Variants in GABRB1 observed in about 807,000 individuals in gnomAD.
The protein encoded by GABRB1 is gamma-aminobutyric acid receptor subunit beta-1.
GABRB1 carries 17 observed loss-of-function variants against 51.6 expected under a neutral mutation model. The ratio of observed to expected loss-of-function variants is 0.33; its 90% CI spans 0.23 to 0.49. GABRB1 has a LOEUF of 0.49. Among genes scored for constraint, GABRB1 ranks in the 20% least tolerant of loss-of-function variants. GABRB1 has a pLI of 0.99. For synonymous variants in GABRB1, 247 were observed against 218.9 expected, an observed-to-expected ratio of 1.13 and a Z score of -1.14; for missense variants, 410 against 600.6, an observed-to-expected ratio of 0.68 and a Z score of 3.32.
rs1723944177 is a variant in GABRB1, at chr4:47,295,503, T to TATC, written c.462-24622_462-24620dup. Among the ~76,000 whole-genome samples the TATC allele has an allele frequency of 5.3e-5, 8 of 152,146 alleles. No homozygotes were observed. The South Asian group carries it at 1.7e-3, about 32-fold the overall frequency. ...CGATGTGATCAACTGGAAGAAAGGG[T>TATC]ATCAGTGATGGAAGATGAAATGAAT... On this transcript the variant is annotated intron_variant, in intron 4 of 8. Coordinates refer to ENST00000295454, the MANE Select transcript of GABRB1 (RefSeq NM_000812.4).
chr4:47,129,241 A>G (rs947172974), intron 3 of GABRB1, among the ~76,000 whole-genome samples: 3 of 152,174 alleles, frequency 2.0e-5, no homozygotes, highest in Non-Finnish European at 4.4e-5. Flanking sequence ...AATTAAATGT[A>G]TGTTCAAAAC....
At chr4:47,233,859 T>C (rs2109838917) in intron 4 of GABRB1, among the ~76,000 whole-genome samples, 1 of 152,308 alleles carries the variant, frequency 6.6e-6, no homozygotes, top group East Asian at 1.9e-4. Context: ...ATATAGACTT[T>C]AGATAAAAGT....
chr4:47,376,665 A>G (rs569055605), intron 5 of GABRB1, among the ~76,000 whole-genome samples: 5 of 152,278 alleles, frequency 3.3e-5, no homozygotes, highest in Admixed American at 1.3e-4. Context: ...AAAACAAAAA[A>G]GAAGCCATAG....
At chr4:47,358,357 G>A (rs1726664479) in intron 5 of GABRB1, among the ~76,000 whole-genome samples, 1 of 148,164 alleles carries the variant, frequency 6.7e-6, no homozygotes, top group African/African-American at 2.6e-5. Context: ...TTATATATGT[G>A]TGTGTGTATA....
intron 5 of GABRB1, among the ~76,000 whole-genome samples, chr4:47,363,004 G>A (rs1469468615): frequency 1.4e-5 from 2 of 148,000 alleles, no homozygotes; most frequent in Non-Finnish European, 3.0e-5. Flanking sequence ...TGATAAATGA[G>A]AATGAGTGTC....
At chr4:47,376,416 A>G (rs933740682) in intron 5 of GABRB1, among the ~76,000 whole-genome samples, 5 of 152,164 alleles carry the variant, frequency 3.3e-5, no homozygotes, top group South Asian at 4.1e-4. Context: ...GGAGGTCGAG[A>G]CGGGCGGATC....
chr4:47,159,137 G>A (rs1251071127), intron 3 of GABRB1, among the ~76,000 whole-genome samples: 2 of 146,576 alleles, frequency 1.4e-5, no homozygotes, highest in African/African-American at 2.5e-5. Flanking sequence ...AAAAAAAATA[G>A]CCAGGTGTGA....
intron 4 of GABRB1, among the ~76,000 whole-genome samples, chr4:47,170,008 T>TA (rs35138370): frequency 1.3e-5 from 2 of 152,168 alleles, no homozygotes; most frequent in African/African-American, 4.8e-5. Context: ...TGTGAGCTTT[T>TA]AAAAAAATGT....
At chr4:47,202,012 C>T (rs931129674) in intron 4 of GABRB1, among the ~76,000 whole-genome samples, 3 of 152,166 alleles carry the variant, frequency 2.0e-5, no homozygotes, top group Admixed American at 2.0e-4. Context: ...CTAGTCTCTC[C>T]ATCCTCATCA....
intron 4 of GABRB1, among the ~76,000 whole-genome samples, chr4:47,198,374 G>A (rs1719774499): frequency 6.6e-6 from 1 of 152,162 alleles, no homozygotes; most frequent in East Asian, 1.9e-4. Context: ...ATGAATAAAG[G>A]GTAGAATAAT....
chr4:47,247,234 T>C (rs1721799303), intron 4 of GABRB1, among the ~76,000 whole-genome samples: 1 of 152,146 alleles, frequency 6.6e-6, no homozygotes, highest in South Asian at 2.1e-4. Context: ...TTCTCCTACA[T>C]GTGACTAGCC....
intron 3 of GABRB1, among the ~76,000 whole-genome samples, chr4:47,036,937 T>G (rs1725600811): frequency 6.6e-6 from 1 of 152,100 alleles, no homozygotes; most frequent in South Asian, 2.1e-4. Flanking sequence ...CATTAAAATT[T>G]CTTTAGGAAT....
intron 4 of GABRB1, among the ~76,000 whole-genome samples, chr4:47,278,018 G>A (rs1723149935): frequency 6.6e-6 from 1 of 152,058 alleles, no homozygotes; most frequent in South Asian, 2.1e-4. Flanking sequence ...TCATAGCCCT[G>A]CCCTGAAGCC....
chr4:47,369,880 G>A (rs1405628952), intron 5 of GABRB1, among the ~76,000 whole-genome samples: 1 of 152,078 alleles, frequency 6.6e-6, no homozygotes, highest in Non-Finnish European at 1.5e-5. Flanking sequence ...AATAGTTACT[G>A]ACAATGAACA....
intron 1 of GABRB1, among the ~76,000 whole-genome samples, chr4:46,998,595 G>C (rs577763322): frequency 7.9e-5 from 12 of 151,824 alleles, no homozygotes; most frequent in Non-Finnish European, 1.5e-4. Context: ...TTAGCCAGGC[G>C]TGGTGGCAGG....
chr4:47,307,595 A>C (rs1412024897), intron 4 of GABRB1, among the ~76,000 whole-genome samples: 1 of 152,070 alleles, frequency 6.6e-6, no homozygotes, highest in African/African-American at 2.4e-5. Flanking sequence ...ATAAACCATA[A>C]AAATATATGT....
At chr4:47,316,755 G>A (rs1724908824) in intron 4 of GABRB1, among the ~76,000 whole-genome samples, 1 of 151,886 alleles carries the variant, frequency 6.6e-6, no homozygotes, top group Non-Finnish European at 1.5e-5. Context: ...TGGGGCTGTT[G>A]TTGTTCCTGT....
intron 8 of GABRB1, among the ~76,000 whole-genome samples, chr4:47,424,661 G>C (rs527707772): frequency 6.6e-6 from 1 of 152,292 alleles, no homozygotes; most frequent in African/African-American, 2.4e-5. Context: ...TAATACACAT[G>C]TTAGCACAGC....
At chr4:47,370,429 G>T (rs1205875322) in intron 5 of GABRB1, among the ~76,000 whole-genome samples, 1 of 150,750 alleles carries the variant, frequency 6.6e-6, no homozygotes, top group Non-Finnish European at 1.5e-5. Flanking sequence ...GGAAGTCATA[G>T]TAAGCTGAGA....
Sources: allele counts gnomAD v4.1 joint callset (sites outside exome capture counted in the v4.1 genomes callset), GRCh38; gene constraint gnomAD v4.1.1; transcripts MANE v1.5; gene names NCBI Gene and HGNC (gene_info 2026-07-23, HGNC 2026-07-21).